Variants in MME observed in about 807,000 individuals in gnomAD.
MME encodes membrane metalloendopeptidase.
Under a neutral mutation model 113.2 loss-of-function variants are expected in MME, and 98 were observed. The ratio of observed to expected loss-of-function variants is 0.87; its 90% CI spans 0.74 to 1.02. The LOEUF is 1.02. MME is among the 50% of genes least tolerant of loss of function. The pLI is 0.00. For synonymous variants in MME, 292 were observed against 300.6 expected (o/e 0.97, Z 0.30); for missense variants, 836 against 896.0 (o/e 0.93, Z 0.86).
Position 155,172,563 on chromosome 3 carries a change from T to G in MME, c.2104T>G (p.Tyr702Asp). 6.2e-7 allele frequency: 1 copy of G among 1,612,958 alleles called. No individual in the cohort carries two copies. The highest frequency in any genetic ancestry group is 8.5e-7 in the Non-Finnish European group (1 of 1,179,172). Residue 702 changes from tyrosine (Y) to aspartate (D), a missense_variant, in exon 22 of 23, where the codon TAT (tyrosine) becomes GAT (aspartate). Tyr to Asp is a radical substitution (Grantham distance 160, BLOSUM62 -3). Transcript: ENST00000360490. ...QVWCGTYRPE[Y>D]AVNSIKTDVH... Reference sequence around the variant, plus strand: ...GTGGTGTGGAACCTATAGGCCAGAGTATGCGGTTAACTCCATTAAAACAGA... The same window carrying G: ...GTGGTGTGGAACCTATAGGCCAGAGGATGCGGTTAACTCCATTAAAACAGA...
intron 1 of MME, among the ~76,000 whole-genome samples, chr3:155,050,727 A>G (rs60948062): frequency 0.097 from 14,718 of 152,204 alleles, 1,170 homozygotes; most frequent in African/African-American, 0.22. Context: ...GACTCTGGAT[A>G]TTAGAACACT....
intron 1 of MME, among the ~76,000 whole-genome samples, chr3:155,040,476 A>G (rs1713271131): frequency 6.6e-6 from 1 of 152,070 alleles, no homozygotes; most frequent in South Asian, 2.1e-4. Flanking sequence ...TACATACATA[A>G]ATACACGCAC....
At chr3:155,039,673 AT>A (rs1304366702) in intron 1 of MME, among the ~76,000 whole-genome samples, 1 of 152,176 alleles carries the variant, frequency 6.6e-6, no homozygotes, top group Non-Finnish European at 1.5e-5. Flanking sequence ...ATGTAAGAGA[AT>A]TCCTGGATTT....
At chr3:155,064,029 G>A (rs1440616758) in intron 1 of MME, among the ~76,000 whole-genome samples, 1 of 152,064 alleles carries the variant, frequency 6.6e-6, no homozygotes, top group Non-Finnish European at 1.5e-5. Context: ...GGTGGCTCAT[G>A]CCTGTAATCT....
chr3:155,106,158 T>C (rs898852463), intron 3 of MME, among the ~76,000 whole-genome samples: 1 of 152,244 alleles, frequency 6.6e-6, no homozygotes, highest in Non-Finnish European at 1.5e-5. Flanking sequence ...GCTTGGAAAC[T>C]TCTTTCATAT....
At chr3:155,097,620 A>G (rs1716850151) in intron 3 of MME, among the ~76,000 whole-genome samples, 1 of 152,192 alleles carries the variant, frequency 6.6e-6, no homozygotes, top group South Asian at 2.1e-4. Context: ...ATTCCGAGAT[A>G]AAGGATGGCC....
chr3:155,025,564 C>T (rs918228907), intron 1 of MME, among the ~76,000 whole-genome samples: 1 of 144,340 alleles, frequency 6.9e-6, no homozygotes, highest in East Asian at 2.2e-4. Context: ...GCAGAGGTTG[C>T]GGTGAGCCGA....
intron 17 of MME, among the ~76,000 whole-genome samples, chr3:155,161,726 T>C (rs1359536149): frequency 1.3e-5 from 2 of 152,168 alleles, no homozygotes; most frequent in Non-Finnish European, 2.9e-5. Flanking sequence ...CAGAAAAGAC[T>C]GTTTTGTATA....
At chr3:155,116,340 G>C in intron 4 of MME, 139 bp from the exon 5 acceptor site, 1 of 681,832 alleles carries the variant, frequency 1.5e-6, no homozygotes, top group Non-Finnish European at 2.7e-6. Context: ...GGGAGGAAAT[G>C]AATGTACCTC....
chr3:155,091,525 G>C (rs887209589), intron 3 of MME, among the ~76,000 whole-genome samples: 11 of 152,252 alleles, frequency 7.2e-5, no homozygotes, highest in Admixed American at 7.2e-4. Context: ...ACATGTAGAG[G>C]GGGTGGATAC....
chr3:155,088,695 A>AG (rs1716004928), intron 3 of MME, among the ~76,000 whole-genome samples: 1 of 151,818 alleles, frequency 6.6e-6, no homozygotes, highest in Non-Finnish European at 1.5e-5. Context: ...AAAAAAAAAA[A>AG]AAAAGAAAAG....
At chr3:155,057,278 T>C (rs1213972107) in intron 1 of MME, among the ~76,000 whole-genome samples, 2 of 151,998 alleles carry the variant, frequency 1.3e-5, no homozygotes, top group Non-Finnish European at 2.9e-5. Context: ...CATCAAAAAG[T>C]GGGCAAAGAA....
rs6797911 is a variant in MME, at chr3:155,144,601, T to A, written c.1416+144T>A. On this transcript the variant is annotated intron_variant, in intron 14 of 22. Transcript: ENST00000360490. ...CAATATGTAGTGTTTCCAGAAAGAG[T>A]TTTTGTGGATAAAGATATATTTCTA... The A allele has an allele frequency of 0.4, 251,678 of 631,642 alleles. 52,121 individuals are homozygous for A. Among genetic ancestry groups the A allele is most frequent in the South Asian group, 0.57 (29,423 of 51,762 alleles). The allele number at this position is 631,642 out of a possible 1,614,324, so 39.1% of individuals were successfully genotyped here. A position where few individuals can be genotyped will look rare whatever the true frequency, so the allele number is the denominator to read the frequency against.
chr3:155,044,805 A>T (rs1481799464), intron 1 of MME, among the ~76,000 whole-genome samples: 2 of 152,194 alleles, frequency 1.3e-5, no homozygotes, highest in African/African-American at 4.8e-5. Context: ...CTAGCATGTA[A>T]ATATAGTTGC....
intron 8 of MME, among the ~76,000 whole-genome samples, chr3:155,132,559 A>G (rs1205324946): frequency 6.6e-6 from 1 of 152,010 alleles, no homozygotes; most frequent in Non-Finnish European, 1.5e-5. Flanking sequence ...AGCTACATAA[A>G]TGTTTTGGTG....
upstream of MME, among the ~76,000 whole-genome samples, chr3:155,075,850 A>G (rs537231950): frequency 3.9e-5 from 6 of 152,278 alleles, 1 homozygote; most frequent in South Asian, 1.2e-3. Flanking sequence ...CTTTAATTCT[A>G]ATTAAACTCT....
chr3:155,105,483 G>A (rs891140175), intron 3 of MME, among the ~76,000 whole-genome samples: 17 of 152,264 alleles, frequency 1.1e-4, no homozygotes, highest in Middle Eastern at 3.4e-3. Context: ...CATTGGTGAC[G>A]TTGAGTTTGT....
At chr3:155,102,539 G>T (rs189124328) in intron 3 of MME, among the ~76,000 whole-genome samples, 2 of 152,308 alleles carry the variant, frequency 1.3e-5, no homozygotes, top group Admixed American at 1.3e-4. Context: ...TTCATGGAAA[G>T]AACTTGCTCT....
At chr3:155,041,189 A>G (rs1399126614) in intron 1 of MME, among the ~76,000 whole-genome samples, 1 of 151,978 alleles carries the variant, frequency 6.6e-6, no homozygotes, top group East Asian at 1.9e-4. Flanking sequence ...TGTCTCTATA[A>G]TCATCAGTCT....
Sources: gnomAD v4.1 joint callset for allele counts (sites outside exome capture counted in the v4.1 genomes callset) on GRCh38, gnomAD v4.1.1 for gene constraint, MANE v1.5 for transcripts, NCBI Gene and HGNC (gene_info 2026-07-23, HGNC 2026-07-21) for gene names.